The following MROH7 variants were observed in gnomAD, a reference collection of about 807,000 sequenced individuals.
MROH7 encodes the protein maestro heat-like repeat-containing protein family member 7.
A neutral mutation model predicts 129.2 loss-of-function variants in MROH7; 113 were observed. The ratio of observed to expected loss-of-function variants is 0.87; its 90% CI spans 0.75 to 1.02. The LOEUF is 1.02. MROH7 is among the 50% of genes least tolerant of loss of function. The pLI is 0.00. For synonymous variants in MROH7, 655 were observed against 667.9 expected (o/e 0.98, Z 0.30); for missense variants, 1,601 against 1,671.3 (o/e 0.96, Z 0.73).
chr1:54,655,521 C>G (rs1644630142), intron 3 of MROH7, among the ~76,000 whole-genome samples: 1 of 151,004 alleles, frequency 6.6e-6, no homozygotes, highest in Non-Finnish European at 1.5e-5. Flanking sequence ...CAGGTGCACA[C>G]CACACCACCA....
rs755479605 is a variant in MROH7 at position 54,670,605 on chromosome 1, A to G, written c.1469+29A>G. 14 of 1,593,234 alleles carry G rather than the reference A, an allele frequency of 8.8e-6. No individual in the cohort carries two copies. In the Admixed American group the frequency reaches 1.7e-4, roughly 20 times the overall value. Reference sequence around the variant, plus strand: ...TCCATGGCCCTCTCCCTGTTCCCACAGCCCCTCTCCTCTCTTCCTCCACTT... The same window carrying G: ...TCCATGGCCCTCTCCCTGTTCCCACGGCCCCTCTCCTCTCTTCCTCCACTT... On this transcript the variant is annotated intron_variant, in intron 6 of 23. Coordinates refer to ENST00000421030, the MANE Select transcript of MROH7 (RefSeq NM_001039464.4).
intron 13 of MROH7, among the ~76,000 whole-genome samples, chr1:54,681,163 C>T (rs1645064334): frequency 6.6e-6 from 1 of 152,152 alleles, no homozygotes; most frequent in East Asian, 1.9e-4. Flanking sequence ...TTGTGTGAGC[C>T]TGAGAATGAG....
intron 1 of MROH7, among the ~76,000 whole-genome samples, chr1:54,642,536 G>A (rs577329302): frequency 1.3e-5 from 2 of 152,310 alleles, no homozygotes; most frequent in African/African-American, 4.8e-5. Flanking sequence ...AATCTCTATG[G>A]TATTATAGGG....
At chr1:54,682,854 C>A in intron 14 of MROH7, 60 bp downstream of exon 14, 1 of 1,574,522 alleles carries the variant, frequency 6.4e-7, no homozygotes, top group Non-Finnish European at 8.6e-7. Context: ...CTCTCCTTCC[C>A]TCCTGCTGAG....
chr1:54,694,690 A>G (rs112822359), intron 16 of MROH7, among the ~76,000 whole-genome samples: 2,310 of 152,174 alleles, frequency 0.015, 51 homozygotes, highest in African/African-American at 0.054. Flanking sequence ...GGCTGGTCTC[A>G]AACTCCCAAC....
intron 1 of MROH7, among the ~76,000 whole-genome samples, chr1:54,649,198 G>A (rs1370687497): frequency 6.6e-6 from 1 of 152,226 alleles, no homozygotes. Context: ...AGCAACCCTT[G>A]TCCAGGGCCT....
At chr1:54,670,072 AAG>A (rs1644872303) in intron 5 of MROH7, among the ~76,000 whole-genome samples, 1 of 53,996 alleles carries the variant, frequency 1.9e-5, no homozygotes, top group Admixed American at 2.3e-4. Flanking sequence ...TCTTAAAAAG[AAG>A]AAAAAAAAAC....
chr1:54,653,335 C>A lies in MROH7; in HGVS notation c.409C>A (p.Pro137Thr), dbSNP rs760749304. 3.7e-6 allele frequency: 6 copies of A among 1,614,178 alleles called. No homozygotes were observed. The highest frequency in any genetic ancestry group is 5.1e-6 in the Non-Finnish European group (6 of 1,180,036). Residue 137 changes from proline (P) to threonine (T), a missense_variant, in exon 3 of 24, where the codon CCT becomes ACT. Transcript: ENST00000421030. ...PILSPSSTEA[P>T]RLSSGNHPQS... ...TCTGAGCCCTAGCTCTACTGAGGCCCCTCGTCTGAGCTCTGGGAACCACCC... is the reference window on the plus strand; with the variant it reads ...TCTGAGCCCTAGCTCTACTGAGGCCACTCGTCTGAGCTCTGGGAACCACCC...
At chr1:54,659,854 A>G (rs1414821892) in intron 3 of MROH7, among the ~76,000 whole-genome samples, 1 of 152,202 alleles carries the variant, frequency 6.6e-6, no homozygotes, top group Non-Finnish European at 1.5e-5. Context: ...GGTGTTCTGT[A>G]GTATTCCATT....
chr1:54,680,409 G>A (rs1396501191), intron 13 of MROH7, among the ~76,000 whole-genome samples: 3 of 152,212 alleles, frequency 2.0e-5, no homozygotes, highest in Non-Finnish European at 2.9e-5. Flanking sequence ...GGAGGTCTGC[G>A]TGTCCGTCCT....
chr1:54,677,764 C>G (rs1008874315), intron 10 of MROH7, among the ~76,000 whole-genome samples: 1 of 152,190 alleles, frequency 6.6e-6, no homozygotes, highest in Non-Finnish European at 1.5e-5. Context: ...AATGTGCTCC[C>G]TTCAGCTGAA....
intron 5 of MROH7, among the ~76,000 whole-genome samples, chr1:54,669,332 A>G (rs759669094): frequency 6.6e-6 from 1 of 152,214 alleles, no homozygotes; most frequent in African/African-American, 2.4e-5. Context: ...TTTGATAAAT[A>G]CAGTCACTCC....
At chr1:54,697,926 C>G (rs1316753809) in intron 17 of MROH7, 1 of 437,328 alleles carries the variant, frequency 2.3e-6, no homozygotes, top group Admixed American at 3.8e-5. Context: ...TAACTTCTCC[C>G]CACCATTCCC....
chr1:54,677,078 T>G (rs1644993565), intron 10 of MROH7, among the ~76,000 whole-genome samples: 1 of 151,870 alleles, frequency 6.6e-6, no homozygotes, highest in Non-Finnish European at 1.5e-5. Context: ...TGGGCGCAAG[T>G]GAACCATCTG....
chr1:54,698,877 T>A (rs2101200754), intron 17 of MROH7: 1 of 150,840 alleles, frequency 6.6e-6, no homozygotes. Flanking sequence ...CACTGCAACC[T>A]CCCCCTCCCA....
intron 7 of MROH7, 60 bp downstream of exon 7, chr1:54,670,989 G>A: frequency 6.6e-7 from 1 of 1,516,860 alleles, no homozygotes; most frequent in Non-Finnish European, 8.9e-7. Flanking sequence ...GAGGAGATAT[G>A]GAGCTGCATC....
In MROH7 at chr1:54,679,293, A is replaced by T; in HGVS notation, c.2080A>T (p.Ile694Leu). The T allele has an allele frequency of 1.2e-6, 2 of 1,614,206 alleles. No individual in the cohort carries two copies. Among genetic ancestry groups the T allele is most frequent in the Non-Finnish European group, 1.7e-6 (2 of 1,180,030 alleles). ...EFGDFLGPQQ[I>L]KDLLLAALEG... ...TGGAGACTTCCTGGGGCCCCAGCAGATAAAGGACCTGCTGCTGGCCGCCCT... is the reference window on the plus strand; with the variant it reads ...TGGAGACTTCCTGGGGCCCCAGCAGTTAAAGGACCTGCTGCTGGCCGCCCT... Residue 694 changes from isoleucine to leucine, a missense_variant, in exon 12 of 24, where the codon ATA (isoleucine) becomes TTA (leucine). Ile to Leu is a conservative substitution (Grantham distance 5). Coordinates refer to ENST00000421030, the MANE Select transcript of MROH7 (RefSeq NM_001039464.4).
At chr1:54,648,428 C>T (rs1644505329) in intron 1 of MROH7, among the ~76,000 whole-genome samples, 1 of 151,712 alleles carries the variant, frequency 6.6e-6, no homozygotes, top group Non-Finnish European at 1.5e-5. Flanking sequence ...TGCAGTGGCG[C>T]AATCTCGGCT....
intron 14 of MROH7, among the ~76,000 whole-genome samples, chr1:54,684,490 G>A (rs1645116711): frequency 2.0e-5 from 3 of 152,240 alleles, no homozygotes; most frequent in South Asian, 4.1e-4. Context: ...TCACTCATTT[G>A]TGCTTCTTGT....
Sources: allele counts gnomAD v4.1 joint callset (sites outside exome capture counted in the v4.1 genomes callset), GRCh38; gene constraint gnomAD v4.1.1; transcripts MANE v1.5; gene names NCBI Gene and HGNC (gene_info 2026-07-23, HGNC 2026-07-21).